PROM1: variants seen among roughly 807,000 people sequenced by gnomAD.
PROM1 encodes the protein prominin-1.
PROM1 carries 105 observed loss-of-function variants against 116.9 expected under a neutral mutation model. That is an observed-to-expected ratio of 0.90 (90% CI 0.77 to 1.06). The LOEUF (loss-of-function observed/expected upper bound fraction) is 1.06, where lower values mean the gene tolerates loss of function less well. Among genes scored for constraint, PROM1 ranks in the 50% least tolerant of loss-of-function variants. The pLI, the probability that PROM1 is intolerant of heterozygous loss-of-function variation, is 0.00. For synonymous variants in PROM1, 393 were observed against 387.0 expected (o/e 1.02, Z -0.18); for missense variants, 1,122 against 1,045.2 (o/e 1.07, Z -1.01).
intron 8 of PROM1, among the ~76,000 whole-genome samples, chr4:16,020,927 A>G (rs1344484608): frequency 6.6e-6 from 1 of 152,168 alleles, no homozygotes; most frequent in African/African-American, 2.4e-5. Context: ...GTAAGTGGAA[A>G]AGATATCTAA....
intron 2 of PROM1, among the ~76,000 whole-genome samples, chr4:16,066,924 T>C (rs1741669766): frequency 6.6e-6 from 1 of 152,208 alleles, no homozygotes; most frequent in South Asian, 2.1e-4. Context: ...ATTATTTATG[T>C]AGGGCAAGAT....
intron 2 of PROM1, among the ~76,000 whole-genome samples, chr4:16,061,336 A>G (rs1237530428): frequency 1.3e-5 from 2 of 152,248 alleles, no homozygotes; most frequent in Non-Finnish European, 2.9e-5. Flanking sequence ...CTTCTAGAAT[A>G]CTATGTGATC....
At chr4:15,991,193 C>A (rs774304193) in intron 18 of PROM1, 29 bp downstream of exon 18, 63 of 1,568,606 alleles carry the variant, frequency 4.0e-5, no homozygotes, top group Non-Finnish European at 5.2e-5. Flanking sequence ...ACAACTACTA[C>A]AGTATTTAAC....
At chr4:15,986,678 C>T (rs1449023739) in intron 20 of PROM1, among the ~76,000 whole-genome samples, 1 of 152,220 alleles carries the variant, frequency 6.6e-6, no homozygotes. Flanking sequence ...CACGTAGTCA[C>T]TGGTGTGTTT....
At chr4:16,070,121 C>T (rs1742475550) in intron 2 of PROM1, among the ~76,000 whole-genome samples, 1 of 152,094 alleles carries the variant, frequency 6.6e-6, no homozygotes, top group African/African-American at 2.4e-5. Context: ...CAGCTTTAGG[C>T]TACATTTAAT....
chr4:16,000,636 A>T lies in PROM1; in HGVS notation c.1455-17T>A, dbSNP rs768800129. 2 of 1,529,684 alleles carry T rather than the reference A, an allele frequency of 1.3e-6. No homozygotes were observed. The highest frequency in any genetic ancestry group is 3.6e-5 in the Admixed American group (2 of 55,294). The allele number at this position is 1,529,684 out of a possible 1,614,324, so 94.8% of individuals were successfully genotyped here. On this transcript the variant is annotated splice_polypyrimidine_tract_variant and intron_variant, in intron 13 of 27. Transcript: ENST00000447510. ...CCAACTCCACTGGAAAAAAATATAA[A>T]GTTAGTAATTCAACAAAGAATGATT...
chr4:16,074,366 A>T (rs1743496183), intron 2 of PROM1, among the ~76,000 whole-genome samples: 1 of 152,222 alleles, frequency 6.6e-6, no homozygotes. Flanking sequence ...CAAAAATTAA[A>T]GAGTTTTTTT....
intron 2 of PROM1, among the ~76,000 whole-genome samples, chr4:16,065,259 C>T (rs941447805): frequency 1.3e-5 from 2 of 152,162 alleles, no homozygotes; most frequent in African/African-American, 4.8e-5. Context: ...TCCAGACATG[C>T]AGGGAACCAG....
At chr4:16,006,511 A>G in intron 13 of PROM1, 27 bp downstream of exon 13, 1 of 1,560,458 alleles carries the variant, frequency 6.4e-7, no homozygotes, top group Non-Finnish European at 8.7e-7. Context: ...TCCCACTCCC[A>G]CATGACAGAG....
chr4:16,030,024 T>C (rs776917167), intron 5 of PROM1, among the ~76,000 whole-genome samples: 42 of 152,318 alleles, frequency 2.8e-4, no homozygotes, highest in Non-Finnish European at 4.6e-4. Context: ...CATTCTTTCT[T>C]CTCCTGTCTA....
chr4:15,980,576 T>C (rs371838461), intron 23 of PROM1, 39 bp from the exon 24 acceptor site: 3 of 1,257,650 alleles, frequency 2.4e-6, no homozygotes, highest in Non-Finnish European at 3.3e-6. Context: ...TGTTTGAAGA[T>C]AAGAAATGGG....
Position 16,060,652 on chromosome 4 carries a change from T to A in PROM1, c.220+15035A>T, listed in dbSNP as rs142208261. On this transcript the variant is annotated intron_variant, in intron 2 of 27. Transcript: ENST00000447510. ...CAGAGCCTAAAACAGAGCCTGACAC[T>A]CAATAAACATCTACCAAACGAATGA... Among the ~76,000 whole-genome samples the A allele has an allele frequency of 3.5e-3, 529 of 152,288 alleles. 14 individuals are homozygous for A. Among genetic ancestry groups the A allele is most frequent in the Admixed American group, 0.027 (411 of 15,292 alleles).
intron 5 of PROM1, among the ~76,000 whole-genome samples, chr4:16,026,756 G>A (rs1200937770): frequency 6.6e-6 from 1 of 152,026 alleles, no homozygotes; most frequent in African/African-American, 2.4e-5. Context: ...TATAACATAG[G>A]TCTATTAGGT....
rs1183547984 is a variant in PROM1 at position 15,968,736 on chromosome 4, T to C, written c.*657A>G. 2 of 152,260 alleles carry C rather than the reference T, an allele frequency of 1.3e-5. No homozygotes were observed. Among genetic ancestry groups the C allele is most frequent in the African/African-American group, 4.8e-5 (2 of 41,464 alleles). The allele number at this position is 152,260 out of a possible 1,614,324, so 9.4% of individuals were successfully genotyped here. A position where few individuals can be genotyped will look rare whatever the true frequency, so the allele number is the denominator to read the frequency against. ...AGGTTTCTCTATGATTGCTTTTGCA[T>C]GCCATTTCCAAGTGGAACATGGCCA... On this transcript the variant is annotated 3_prime_UTR_variant, in exon 28 of 28. Transcript: ENST00000447510.
In PROM1 at chr4:15,985,931, C is replaced by T. The variant is rs369944724; in HGVS notation, c.2211+26G>A. 1.6e-3 allele frequency: 506 copies of T among 316,324 alleles called. 1 individual carries two copies. The highest frequency in any genetic ancestry group is 2.0e-3 in the Non-Finnish European group (473 of 238,278). 19.6% of individuals were successfully genotyped at this position (316,324 alleles called of 1,614,324 possible). A position where few individuals can be genotyped will look rare whatever the true frequency, so the allele number is the denominator to read the frequency against. ...ACATTCAAGTGCCCACTTATGGACACGCTTACTTTAAAAAAGAAGGCTCAC... is the reference window on the plus strand; with the variant it reads ...ACATTCAAGTGCCCACTTATGGACATGCTTACTTTAAAAAAGAAGGCTCAC... On this transcript the variant is annotated intron_variant, in intron 21 of 27. Coordinates refer to ENST00000447510, the MANE Select transcript of PROM1 (RefSeq NM_006017.3).
At chr4:16,013,420 C>A in intron 10 of PROM1, 82 bp from the exon 11 acceptor site, 1 of 922,026 alleles carries the variant, frequency 1.1e-6, no homozygotes, top group Non-Finnish European at 1.8e-6. Flanking sequence ...CAACTCAGTA[C>A]GAGTAGAGAG....
chr4:16,061,371 C>A (rs1020185258), intron 2 of PROM1, among the ~76,000 whole-genome samples: 1 of 152,218 alleles, frequency 6.6e-6, no homozygotes, highest in African/African-American at 2.4e-5. Flanking sequence ...TAGGAAGAAT[C>A]ATGTGTACTA....
intron 13 of PROM1, among the ~76,000 whole-genome samples, chr4:16,006,269 T>C (rs957863417): frequency 6.6e-6 from 1 of 152,232 alleles, no homozygotes; most frequent in Non-Finnish European, 1.5e-5. Context: ...CTGCCATATA[T>C]AAATAGTGTG....
rs144043230 is a variant in PROM1 at position 16,028,917 on chromosome 4, C to T, written c.510-3605G>A. ...TTTATTATGGAAAAAACAATTTTCT[C>T]ACATATACACTTACAAGCTTTTTAC... On this transcript the variant is annotated intron_variant, in intron 5 of 27. Transcript: ENST00000447510. Among the ~76,000 whole-genome samples the T allele has an allele frequency of 6.4e-3, 970 of 152,246 alleles. 13 individuals carry two copies. Among genetic ancestry groups the T allele is most frequent in the African/African-American group, 0.022 (918 of 41,552 alleles).
Sources: gnomAD v4.1 joint callset for allele counts (sites outside exome capture counted in the v4.1 genomes callset) on GRCh38, gnomAD v4.1.1 for gene constraint, MANE v1.5 for transcripts, NCBI Gene and HGNC (gene_info 2026-07-23, HGNC 2026-07-21) for gene names.